The following SOX5 variants were observed in gnomAD, a reference collection of about 807,000 sequenced individuals.
SOX5 encodes transcription factor SOX-5.
SOX5 carries 9 observed loss-of-function variants against 92.0 expected under a neutral mutation model. The ratio of observed to expected loss-of-function variants is 0.10; its 90% CI spans 0.06 to 0.17. The LOEUF (loss-of-function observed/expected upper bound fraction) is 0.17. SOX5 is among the 10% of genes least tolerant of loss of function. SOX5 has a pLI of 1.00. For missense variants in SOX5, 642 were observed against 944.5 expected (o/e 0.68, Z 4.20); for synonymous variants, 344 against 336.3 (o/e 1.02, Z -0.25).
chr12:24,104,490 T>C (rs1307182492), intron 4 of SOX5, among the ~76,000 whole-genome samples: 1 of 152,212 alleles, frequency 6.6e-6, no homozygotes, highest in East Asian at 1.9e-4. Flanking sequence ...AAATTTACTA[T>C]AAAATAATGA....
chr12:24,221,706 A>T (rs1305672382), intron 3 of SOX5, among the ~76,000 whole-genome samples: 1 of 152,234 alleles, frequency 6.6e-6, no homozygotes, highest in African/African-American at 2.4e-5. Flanking sequence ...GTAAAGAAAG[A>T]CAAGAATACA....
chr12:24,443,362 A>G (rs552598901), intron 1 of SOX5, among the ~76,000 whole-genome samples: 1 of 152,336 alleles, frequency 6.6e-6, no homozygotes, highest in East Asian at 1.9e-4. Flanking sequence ...TGCTTTCAAT[A>G]AACACCTGAA....
chr12:24,185,030 A>G (rs1341725990), intron 4 of SOX5, among the ~76,000 whole-genome samples: 1 of 152,086 alleles, frequency 6.6e-6, no homozygotes, highest in East Asian at 1.9e-4. Context: ...GAATAAGATA[A>G]TGAATAAAGA....
intron 3 of SOX5, among the ~76,000 whole-genome samples, chr12:23,842,660 C>T (rs1293867892): frequency 6.6e-6 from 1 of 152,012 alleles, no homozygotes; most frequent in Non-Finnish European, 1.5e-5. Context: ...AAAAGAAGTG[C>T]TAAACTAATA....
chr12:24,439,526 C>A (rs374601899), intron 1 of SOX5, among the ~76,000 whole-genome samples: 1 of 152,182 alleles, frequency 6.6e-6, no homozygotes, highest in African/African-American at 2.4e-5. Flanking sequence ...AGTGAAATTT[C>A]CATATCATAA....
chr12:24,370,326 A>T (rs1243762946), intron 1 of SOX5, among the ~76,000 whole-genome samples: 2 of 151,802 alleles, frequency 1.3e-5, no homozygotes, highest in Admixed American at 6.6e-5. Context: ...TAGAAAAAAA[A>T]TTTAGCCGGG....
intron 3 of SOX5, among the ~76,000 whole-genome samples, chr12:23,825,563 T>C (rs2096215191): frequency 6.6e-6 from 1 of 152,208 alleles, no homozygotes; most frequent in South Asian, 2.1e-4. Flanking sequence ...TTTATATGTA[T>C]GTGTTTGTAT....
intron 1 of SOX5, among the ~76,000 whole-genome samples, chr12:24,469,921 C>A (rs1944624223): frequency 6.6e-6 from 1 of 151,892 alleles, no homozygotes; most frequent in Non-Finnish European, 1.5e-5. Flanking sequence ...AAGCGGTAAG[C>A]AAATATGATC....
chr12:24,480,210 TGC>T, intron 1 of SOX5, among the ~76,000 whole-genome samples: 1 of 152,178 alleles, frequency 6.6e-6, no homozygotes, highest in Admixed American at 6.5e-5. Context: ...GATATCCCTG[TGC>T]AGAAGAATGA....
At chr12:23,837,887 T>C (rs1405889210) in intron 3 of SOX5, among the ~76,000 whole-genome samples, 1 of 109,370 alleles carries the variant, frequency 9.1e-6, no homozygotes, top group African/African-American at 3.8e-5. Flanking sequence ...ATTTATATAA[T>C]ATATAAGATA....
chr12:23,924,779 T>C (rs966835498), intron 1 of SOX5, among the ~76,000 whole-genome samples: 2 of 152,132 alleles, frequency 1.3e-5, no homozygotes, highest in African/African-American at 4.8e-5. Context: ...TGACTTCAGG[T>C]CATCAAATAC....
At chr12:23,769,939 C>A (rs1419389924) in intron 3 of SOX5, among the ~76,000 whole-genome samples, 1 of 151,938 alleles carries the variant, frequency 6.6e-6, no homozygotes, top group Admixed American at 6.6e-5. Flanking sequence ...ACACTTGGCT[C>A]CCAGGGATGT....
chr12:23,797,474 C>T (rs773121139), intron 3 of SOX5, among the ~76,000 whole-genome samples: 1 of 151,960 alleles, frequency 6.6e-6, no homozygotes, highest in Non-Finnish European at 1.5e-5. Flanking sequence ...GAAAGACAGA[C>T]TTCAAAGTGA....
At chr12:24,533,923 G>A (rs1951409279) in intron 1 of SOX5, among the ~76,000 whole-genome samples, 1 of 152,134 alleles carries the variant, frequency 6.6e-6, no homozygotes, top group Admixed American at 6.5e-5. Flanking sequence ...TGTATATTAT[G>A]AATAATGCAT....
intron 1 of SOX5, among the ~76,000 whole-genome samples, chr12:24,558,280 A>G (rs1412794908): frequency 6.6e-6 from 1 of 152,200 alleles, no homozygotes; most frequent in Admixed American, 6.5e-5. Flanking sequence ...TCAAGGGCCC[A>G]TCCTGAAGGT....
At chr12:24,420,405 G>A (rs565791225) in intron 1 of SOX5, among the ~76,000 whole-genome samples, 1 of 152,244 alleles carries the variant, frequency 6.6e-6, no homozygotes, top group East Asian at 1.9e-4. Context: ...ACTTGAAAGG[G>A]TTCCCATTGT....
At chr12:24,131,159 A>G (rs1310679324) in intron 4 of SOX5, among the ~76,000 whole-genome samples, 1 of 152,214 alleles carries the variant, frequency 6.6e-6, no homozygotes, top group Non-Finnish European at 1.5e-5. Context: ...ATTAGAGGTG[A>G]AGATAGTAAA....
intron 1 of SOX5, among the ~76,000 whole-genome samples, chr12:24,485,107 G>A (rs1238342880): frequency 6.6e-6 from 1 of 152,004 alleles, no homozygotes; most frequent in African/African-American, 2.4e-5. Flanking sequence ...AGTGGAGATG[G>A]GCTCAAGCAA....
intron 4 of SOX5, among the ~76,000 whole-genome samples, chr12:24,089,601 T>C (rs1944404844): frequency 6.6e-6 from 1 of 152,154 alleles, no homozygotes; most frequent in Non-Finnish European, 1.5e-5. Context: ...TCATCTTTGA[T>C]AAATGTGGGA....
Sources: allele counts gnomAD v4.1 joint callset (sites outside exome capture counted in the v4.1 genomes callset), GRCh38; gene constraint gnomAD v4.1.1; transcripts MANE v1.5; gene names NCBI Gene and HGNC (gene_info 2026-07-23, HGNC 2026-07-21).